Variants in FAR2 observed in about 807,000 individuals in gnomAD.
FAR2 encodes fatty acyl-CoA reductase 2, also known as epididymis secretory protein Li 81.
A neutral mutation model predicts 56.0 loss-of-function variants in FAR2; 19 were observed. That is an observed-to-expected ratio of 0.34 (90% CI 0.24 to 0.50). FAR2 has a LOEUF of 0.50. Ranked by LOEUF, FAR2 falls within the 20% of genes least tolerant of loss-of-function variation. FAR2 has a pLI of 0.98. For synonymous variants in FAR2, 219 were observed against 218.8 expected, an observed-to-expected ratio of 1.00 and a Z score of -0.01; for missense variants, 508 against 642.2, an observed-to-expected ratio of 0.79 and a Z score of 2.26.
At chr12:29,211,560 G>GT (rs1363891554) in intron 1 of FAR2, among the ~76,000 whole-genome samples, 6 of 152,110 alleles carry the variant, frequency 3.9e-5, no homozygotes, top group African/African-American at 1.2e-4. Flanking sequence ...CAGAATGCAG[G>GT]TTTTTCTGCT....
intron 1 of FAR2, among the ~76,000 whole-genome samples, chr12:29,165,226 G>C (rs1228723057): frequency 1.3e-5 from 2 of 152,110 alleles, no homozygotes; most frequent in Non-Finnish European, 2.9e-5. Context: ...ATTCAAGTTT[G>C]CAATAGTTTA....
At chr12:29,327,406 T>G (rs1949666873) in intron 10 of FAR2, among the ~76,000 whole-genome samples, 1 of 151,996 alleles carries the variant, frequency 6.6e-6, no homozygotes, top group Non-Finnish European at 1.5e-5. Flanking sequence ...AAAACTACTT[T>G]AAAGTTCATA....
chr12:29,251,516 T>G (rs1452357327), intron 1 of FAR2, among the ~76,000 whole-genome samples: 1 of 152,200 alleles, frequency 6.6e-6, no homozygotes, highest in Non-Finnish European at 1.5e-5. Flanking sequence ...AATGCAGTTT[T>G]AGTTTAGATC....
chr12:29,181,632 C>T (rs1370760501), intron 1 of FAR2, among the ~76,000 whole-genome samples: 1 of 152,104 alleles, frequency 6.6e-6, no homozygotes, highest in East Asian at 1.9e-4. Flanking sequence ...CCCATCAGCT[C>T]CTCTTTCCCT....
chr12:29,247,384 A>T (rs1210035157), intron 1 of FAR2, among the ~76,000 whole-genome samples: 2 of 152,176 alleles, frequency 1.3e-5, no homozygotes, highest in Admixed American at 1.3e-4. Context: ...TCTGCAAAAG[A>T]ACAATGTGTT....
At position 29,334,025 on chromosome 12, in the gene FAR2, C is replaced by T. The variant is rs1158253761; in HGVS notation, c.*231C>T. ...TAGGGAAAAAAATCCAAATTGTTTCCTAACATTCTATTTTATGCCCTTGCG... is the reference window on the plus strand; with the variant it reads ...TAGGGAAAAAAATCCAAATTGTTTCTTAACATTCTATTTTATGCCCTTGCG... On this transcript the variant is annotated 3_prime_UTR_variant, in exon 12 of 12. Transcript: ENST00000536681. 2.6e-6 allele frequency: 1 copy of T among 382,256 alleles called. No homozygotes were observed. The highest frequency in any genetic ancestry group is 4.6e-6 in the Non-Finnish European group (1 of 215,238). The allele number at this position is 382,256 out of a possible 1,614,324, so 23.7% of individuals were successfully genotyped here. A position where few individuals can be genotyped will look rare whatever the true frequency, so the allele number is the denominator to read the frequency against.
intron 1 of FAR2, among the ~76,000 whole-genome samples, chr12:29,206,952 G>C (rs1947483695): frequency 6.6e-6 from 1 of 152,106 alleles, no homozygotes; most frequent in Non-Finnish European, 1.5e-5. Flanking sequence ...GGGCACAGAA[G>C]AGGAGTGGGA....
At chr12:29,271,343 TTTG>T (rs1465373683) in intron 2 of FAR2, among the ~76,000 whole-genome samples, 1 of 152,208 alleles carries the variant, frequency 6.6e-6, no homozygotes, top group Non-Finnish European at 1.5e-5. Context: ...GGCTTATGAA[TTTG>T]TTGTCATATC....
At chr12:29,180,789 C>T (rs77891461) in intron 1 of FAR2, among the ~76,000 whole-genome samples, 1 of 151,210 alleles carries the variant, frequency 6.6e-6, no homozygotes, top group Non-Finnish European at 1.5e-5. Flanking sequence ...TCTGTAAAAT[C>T]GCCTTTGACT....
intron 1 of FAR2, among the ~76,000 whole-genome samples, chr12:29,255,541 T>A (rs1434146697): frequency 6.6e-6 from 1 of 152,248 alleles, no homozygotes; most frequent in Admixed American, 6.5e-5. Context: ...AAGCATGTTT[T>A]GCAAATTTTT....
Position 29,158,680 on chromosome 12 carries a change from A to G in FAR2, c.-39+9273A>G, listed in dbSNP as rs576806306. On this transcript the variant is annotated intron_variant, in intron 1 of 11. Coordinates refer to ENST00000536681, the MANE Select transcript of FAR2 (RefSeq NM_001271783.2). ...CCAAATTAGACTTCCTTGAACTCCT[A>G]GACATACTATATGTTGGCACATATC... Among the ~76,000 whole-genome samples, 40 of 152,362 alleles carry G rather than the reference A, an allele frequency of 2.6e-4. 2 individuals carry two copies. In the South Asian group the frequency reaches 7.9e-3, roughly 30 times the overall value.
At chr12:29,150,568 T>C (rs1949674464) in intron 1 of FAR2, among the ~76,000 whole-genome samples, 1 of 152,168 alleles carries the variant, frequency 6.6e-6, no homozygotes, top group Non-Finnish European at 1.5e-5. Context: ...ACAGGTGTAG[T>C]TAGTCCAAAA....
chr12:29,162,061 CAA>C (rs1302687416), intron 1 of FAR2, among the ~76,000 whole-genome samples: 1 of 152,166 alleles, frequency 6.6e-6, no homozygotes, highest in Non-Finnish European at 1.5e-5. Flanking sequence ...TGTCTTCTCC[CAA>C]TCTATGCCTG....
At chr12:29,149,749 G>A (rs941410388) in intron 1 of FAR2, among the ~76,000 whole-genome samples, 2 of 152,226 alleles carry the variant, frequency 1.3e-5, no homozygotes, top group African/African-American at 4.8e-5. Flanking sequence ...CGCGCCTTGG[G>A]GACTGGGGAC....
At chr12:29,179,041 C>T (rs968569539) in intron 1 of FAR2, among the ~76,000 whole-genome samples, 2 of 152,110 alleles carry the variant, frequency 1.3e-5, no homozygotes, top group Non-Finnish European at 2.9e-5. Context: ...AGAACATTTT[C>T]TCTCTGTATG....
chr12:29,313,006 T>C (rs138116791), intron 8 of FAR2, among the ~76,000 whole-genome samples: 2 of 152,314 alleles, frequency 1.3e-5, no homozygotes, highest in African/African-American at 4.8e-5. Context: ...CAACATTGTT[T>C]CTTCCTGTGC....
chr12:29,303,985 C>G (rs1256405789), intron 4 of FAR2, among the ~76,000 whole-genome samples: 1 of 152,188 alleles, frequency 6.6e-6, no homozygotes, highest in Non-Finnish European at 1.5e-5. Context: ...GAGGGAAATA[C>G]AGAGGCCAAT....
chr12:29,308,717 CACAT>C (rs1311535172), intron 5 of FAR2, among the ~76,000 whole-genome samples: 120 of 129,356 alleles, frequency 9.3e-4, no homozygotes, highest in Non-Finnish European at 1.2e-3. Flanking sequence ...CACACACACA[CACAT>C]ATATATATAT....
intron 1 of FAR2, among the ~76,000 whole-genome samples, chr12:29,236,135 T>C (rs538034743): frequency 6.6e-6 from 1 of 152,196 alleles, no homozygotes; most frequent in Non-Finnish European, 1.5e-5. Context: ...TGTATACATA[T>C]ATAGAACTAT....
Sources: allele counts gnomAD v4.1 joint callset (sites outside exome capture counted in the v4.1 genomes callset), GRCh38; gene constraint gnomAD v4.1.1; transcripts MANE v1.5; gene names NCBI Gene and HGNC (gene_info 2026-07-23, HGNC 2026-07-21).